Variants in NUP210L observed in about 807,000 individuals in gnomAD.
The protein encoded by NUP210L is nuclear pore membrane glycoprotein 210-like.
A neutral mutation model predicts 208.5 loss-of-function variants in NUP210L; 74 were observed. The ratio of observed to expected loss-of-function variants is 0.35; its 90% CI spans 0.29 to 0.43. NUP210L has a LOEUF of 0.43. NUP210L is among the 20% of genes least tolerant of loss of function. NUP210L has a pLI of 1.00. For synonymous variants in NUP210L, 780 were observed against 816.9 expected, an observed-to-expected ratio of 0.95 and a Z score of 0.77; for missense variants, 1,843 against 2,289.4, an observed-to-expected ratio of 0.81 and a Z score of 3.98.
chr1:154,120,705 C>A (rs1485142261), intron 10 of NUP210L, among the ~76,000 whole-genome samples: 1 of 150,602 alleles, frequency 6.6e-6, no homozygotes, highest in African/African-American at 2.4e-5. Flanking sequence ...AACAGCCTGG[C>A]CAACATGGTG....
intron 4 of NUP210L, 54 bp from the exon 5 acceptor site, chr1:154,140,006 C>T: frequency 7.1e-7 from 1 of 1,404,028 alleles, no homozygotes; most frequent in Non-Finnish European, 9.9e-7. Context: ...AGGGTTCTTC[C>T]AAAAGTCCCT....
intron 10 of NUP210L, among the ~76,000 whole-genome samples, chr1:154,123,050 CA>C (rs112543992): frequency 0.47 from 39,205 of 83,460 alleles, 5,809 homozygotes; most frequent in East Asian, 0.56. Flanking sequence ...GACCCTGTCT[CA>C]AAAAAAAAAA....
At chr1:154,094,523 G>A (rs570997502) in intron 15 of NUP210L, among the ~76,000 whole-genome samples, 8 of 152,212 alleles carry the variant, frequency 5.3e-5, no homozygotes, top group Admixed American at 2.6e-4. Context: ...TTTATTATTC[G>A]TATCAGTGTA....
intron 10 of NUP210L, among the ~76,000 whole-genome samples, chr1:154,123,909 C>T (rs1231638854): frequency 2.7e-5 from 4 of 148,156 alleles, no homozygotes; most frequent in East Asian, 2.0e-4. Flanking sequence ...AGAGGCTGGG[C>T]GCGGTGGCTC....
intron 27 of NUP210L, among the ~76,000 whole-genome samples, chr1:154,033,463 A>G (rs867968598): frequency 6.6e-6 from 1 of 152,112 alleles, no homozygotes; most frequent in African/African-American, 2.4e-5. Context: ...TCTTCTGCAT[A>G]TGGATATCCA....
At chr1:154,083,014 GGTGA>G (rs1461907859) in intron 16 of NUP210L, among the ~76,000 whole-genome samples, 7 of 152,178 alleles carry the variant, frequency 4.6e-5, no homozygotes, top group African/African-American at 1.7e-4. Flanking sequence ...AGACCTTCGT[GGTGA>G]GTGTTACAGC....
intron 37 of NUP210L, among the ~76,000 whole-genome samples, chr1:153,998,936 G>C (rs1650054707): frequency 6.6e-6 from 1 of 151,826 alleles, no homozygotes; most frequent in Non-Finnish European, 1.5e-5. Flanking sequence ...GCCTGGTCTT[G>C]AACTCCTGAG....
chr1:154,012,442 A>C, intron 33 of NUP210L, 72 bp from the exon 34 acceptor site: 1 of 1,458,286 alleles, frequency 6.9e-7, no homozygotes, highest in Non-Finnish European at 9.3e-7. Context: ...TCCACCCCTC[A>C]TAACTTATTT....
chr1:154,058,356 T>C, intron 21 of NUP210L, 140 bp from the exon 22 acceptor site: 1 of 1,067,298 alleles, frequency 9.4e-7, no homozygotes, highest in South Asian at 1.6e-5. Context: ...GCTTAATCTA[T>C]GTGTATTGTT....
In NUP210L at chr1:154,129,642, C is replaced by T. The variant is rs568338185; in HGVS notation, c.1010-297G>A. Among the ~76,000 whole-genome samples, 9 of 152,266 alleles carry T rather than the reference C, an allele frequency of 5.9e-5. No individual in the cohort carries two copies. In the East Asian group the frequency reaches 1.7e-3, roughly 29 times the overall value. On this transcript the variant is annotated intron_variant, in intron 7 of 39. Transcript: ENST00000368559. Reference sequence around the variant, plus strand: ...TAACGTAGCTGCAGACCCCTTTCTCCAAATAAATACCTACATAGGAGCCCA... The same window carrying T: ...TAACGTAGCTGCAGACCCCTTTCTCTAAATAAATACCTACATAGGAGCCCA...
In NUP210L at chr1:154,027,611, AT is replaced by A; in HGVS notation, c.3856-15del. 1 of 1,586,486 alleles carries A rather than the reference AT, an allele frequency of 6.3e-7. No homozygotes were observed. The highest frequency in any genetic ancestry group is 8.6e-7 in the Non-Finnish European group (1 of 1,156,742). ...TTTTTCAAACACCTATAATGAGAAA[AT>A]GTTTTCCTCATTTTTGGCAAAGACA... On this transcript the variant is annotated splice_polypyrimidine_tract_variant and intron_variant, in intron 28 of 39. Transcript: ENST00000368559.
At chr1:154,015,796 C>A (rs1651208563) in intron 33 of NUP210L, among the ~76,000 whole-genome samples, 1 of 151,572 alleles carries the variant, frequency 6.6e-6, no homozygotes, top group African/African-American at 2.4e-5. Context: ...GTGGTCCCAG[C>A]TACTCAGGAG....
intron 16 of NUP210L, among the ~76,000 whole-genome samples, chr1:154,073,858 A>AATT (rs1557958090): frequency 1.6e-4 from 23 of 140,564 alleles, no homozygotes; most frequent in Admixed American, 3.7e-4. Flanking sequence ...ATAAATAAAT[A>AATT]AATTCAATGG....
At chr1:154,084,038 CTTTTT>C (rs34861266) in intron 16 of NUP210L, among the ~76,000 whole-genome samples, 2 of 103,612 alleles carry the variant, frequency 1.9e-5, no homozygotes, top group African/African-American at 7.1e-5. Flanking sequence ...CTTTTCCTTT[CTTTTT>C]TTTTTTTTTT....
At position 154,127,478 on chromosome 1, in the gene NUP210L, TA is replaced by T. The variant is rs1282071029; in HGVS notation, c.1079-62del. The T allele has an allele frequency of 3.9e-6, 3 of 773,272 alleles. No homozygotes were observed. The African/African-American group carries it at 5.4e-5, about 14-fold the overall frequency. The allele number at this position is 773,272 out of a possible 1,614,324, so 47.9% of individuals were successfully genotyped here. A position where few individuals can be genotyped will look rare whatever the true frequency, so the allele number is the denominator to read the frequency against. ...GGCTAACATTTTTCTACAACGAATTTAAAAATACAACCTTTATAAAGCTGTT... is the reference window on the plus strand; with the variant it reads ...GGCTAACATTTTTCTACAACGAATTTAAAATACAACCTTTATAAAGCTGTT... On this transcript the variant is annotated intron_variant, in intron 8 of 39. Coordinates refer to ENST00000368559, the Ensembl canonical transcript of NUP210L.
chr1:153,993,694 C>A (rs1258782796), intron 38 of NUP210L, among the ~76,000 whole-genome samples: 1 of 151,762 alleles, frequency 6.6e-6, no homozygotes, highest in African/African-American at 2.4e-5. Context: ...GGGCAGACCA[C>A]CTGAGGTCAG....
chr1:154,077,595 G>A lies in NUP210L; in HGVS notation c.2362-7130C>T, dbSNP rs994910648. Among the ~76,000 whole-genome samples the A allele has an allele frequency of 1.6e-4, 25 of 152,060 alleles. 1 individual carries two copies. The highest frequency in any genetic ancestry group is 7.2e-4 in the Admixed American group (11 of 15,262). On this transcript the variant is annotated intron_variant, in intron 16 of 39. Transcript: ENST00000368559. ...AGACAATAGCTTGAATCACCATGAA[G>A]AAATAATCTGGAAAAGATAATTACA...
At chr1:154,138,084 G>C (rs779865715) in intron 6 of NUP210L, 22 bp downstream of exon 6, 1 of 1,457,600 alleles carries the variant, frequency 6.9e-7, no homozygotes, top group Non-Finnish European at 9.0e-7. Flanking sequence ...TGAGTCATAG[G>C]AGAAAAAATA....
At chr1:154,089,171 A>G (rs1331001895) in intron 16 of NUP210L, among the ~76,000 whole-genome samples, 1 of 152,160 alleles carries the variant, frequency 6.6e-6, no homozygotes, top group Non-Finnish European at 1.5e-5. Flanking sequence ...AAAATGAGTA[A>G]TGAGTAAAAT....
Sources: allele counts gnomAD v4.1 joint callset (sites outside exome capture counted in the v4.1 genomes callset), GRCh38; gene constraint gnomAD v4.1.1; transcripts MANE v1.5; gene names NCBI Gene and HGNC (gene_info 2026-07-23, HGNC 2026-07-21).